Variants in SP1 observed in about 807,000 individuals in gnomAD.
SP1 encodes transcription factor Sp1.
In SP1, 6 loss-of-function variants were observed where a neutral mutation model predicts 66.3. That is an observed-to-expected ratio of 0.09 (90% CI 0.05 to 0.18). SP1 has a LOEUF of 0.18. SP1 is among the 10% of genes least tolerant of loss of function. The probability of loss-of-function intolerance (pLI) is 1.00; values close to 1 mark genes in which losing one functional copy is unlikely to be tolerated. For missense variants in SP1, 848 were observed against 964.5 expected, an observed-to-expected ratio of 0.88 and a Z score of 1.60; for synonymous variants, 417 against 360.8, an observed-to-expected ratio of 1.16 and a Z score of -1.77.
chr12:53,412,586 T>TA lies in SP1; in HGVS notation c.*1347dup, dbSNP rs1938916681. 6.6e-6 allele frequency: 1 copy of TA among 152,662 alleles called. No homozygotes were observed. Among genetic ancestry groups the TA allele is most frequent in the African/African-American group, 2.4e-5 (1 of 41,470 alleles). The allele number at this position is 152,662 out of a possible 1,614,324, so 9.5% of individuals were successfully genotyped here. On this transcript the variant is annotated 3_prime_UTR_variant, in exon 6 of 6. Transcript: ENST00000327443. ...GTGCTAGTGGCAAGACAGTGGTTCT[T>TA]ATGATGTTTTCCCTTAACTTTTCCT...
At chr12:53,403,470 A>C (rs1938657475) in intron 3 of SP1, among the ~76,000 whole-genome samples, 1 of 151,406 alleles carries the variant, frequency 6.6e-6, no homozygotes, top group African/African-American at 2.4e-5. Context: ...ACCCTGCTTC[A>C]TCCTCCCAGG....
In SP1 at chr12:53,396,624, T is replaced by C. The variant is rs549879375; in HGVS notation, c.1676-9961T>C. Among the ~76,000 whole-genome samples the C allele has an allele frequency of 1.2e-4, 19 of 152,292 alleles. 2 individuals carry two copies. In the South Asian group the frequency reaches 3.7e-3, roughly 30 times the overall value. On this transcript the variant is annotated intron_variant, in intron 3 of 5. Transcript: ENST00000327443. ...TAAGGTTGCTGCCTTCATAGTGTGC[T>C]TCTGTGCTCCGGTTGCTTTTATGCT...
chr12:53,387,848 T>C (rs887519079), intron 3 of SP1, among the ~76,000 whole-genome samples: 1 of 151,676 alleles, frequency 6.6e-6, no homozygotes, highest in Non-Finnish European at 1.5e-5. Context: ...TAGCTGGGCG[T>C]GGTGGTGGGT....
At chr12:53,381,580 T>A in intron 1 of SP1, 79 bp from the exon 2 acceptor site, 1 of 1,336,300 alleles carries the variant, frequency 7.5e-7, no homozygotes, top group Non-Finnish European at 1.0e-6. Context: ...TGCTATTTCA[T>A]CATAGCCTCC....
chr12:53,380,666 C>G (rs1274836200), intron 1 of SP1: 5 of 990,694 alleles, frequency 5.0e-6, no homozygotes, highest in Admixed American at 1.2e-4. Context: ...GGCCAACCGC[C>G]TGCCTGGTCC....
At chr12:53,399,425 G>A (rs35969688) in intron 3 of SP1, among the ~76,000 whole-genome samples, 27,289 of 149,364 alleles carry the variant, frequency 0.18, 2,559 homozygotes, top group Admixed American at 0.21. Flanking sequence ...GCTCCGCCTC[G>A]CGAGTTCACG....
chr12:53,406,395 T>C (rs1259015301), intron 3 of SP1, among the ~76,000 whole-genome samples, 190 bp from the exon 4 acceptor site: 2 of 152,116 alleles, frequency 1.3e-5, no homozygotes, highest in African/African-American at 4.8e-5. Flanking sequence ...ATGATGATTC[T>C]TGAGATTTCA....
intron 3 of SP1, among the ~76,000 whole-genome samples, chr12:53,406,065 C>CTTTTTTTTTTTTTTTTTT (rs1170832065): frequency 3.6e-5 from 3 of 82,414 alleles, no homozygotes; most frequent in African/African-American, 7.7e-5. Flanking sequence ...TATTTTCTTT[C>CTTTTTTTTTTTTTTTTTT]TTTTTTTTTT....
Position 53,383,113 on chromosome 12 carries a change from A to G in SP1, c.1166A>G (p.Glu389Gly), listed in dbSNP as rs370160300. The G allele has an allele frequency of 1.8e-4, 286 of 1,614,088 alleles. No individual in the cohort carries two copies. Among genetic ancestry groups the G allele is most frequent in the Non-Finnish European group, 2.3e-4 (276 of 1,180,060 alleles). The part of the protein sequence containing the change: ...SLQAGQQKEG[E>G]QNQQTQQQQI... ...CAAGCAGGCCAGCAAAAAGAAGGAG[A>G]GCAAAACCAGCAGACACAGCAGCAA... Residue 389 changes from glutamate (E) to glycine (G), a missense_variant, in exon 3 of 6, where the codon GAG (glutamate) becomes GGG (glycine). Around this residue, in one of 7 missense-constraint regions of SP1, gnomAD observed 606 missense variants for 589.9 expected, o/e 1.03. Coordinates refer to ENST00000327443, the MANE Select transcript of SP1 (RefSeq NM_138473.3).
At chr12:53,400,021 C>T (rs897359061) in intron 3 of SP1, among the ~76,000 whole-genome samples, 2 of 152,168 alleles carry the variant, frequency 1.3e-5, no homozygotes, top group East Asian at 3.9e-4. Flanking sequence ...CCTGGGCCTC[C>T]CAAAGTGCTT....
intron 4 of SP1, among the ~76,000 whole-genome samples, chr12:53,407,337 T>G (rs1938765560): frequency 6.6e-6 from 1 of 151,692 alleles, no homozygotes; most frequent in Admixed American, 6.6e-5. Flanking sequence ...AAAAATTTTT[T>G]TTTTTTCTGA....
chr12:53,408,338 G>A (rs1198955535), intron 4 of SP1, among the ~76,000 whole-genome samples: 1 of 150,638 alleles, frequency 6.6e-6, no homozygotes, highest in Non-Finnish European at 1.5e-5. Flanking sequence ...CCAGGTTCAA[G>A]CAATTCCTCT....
At chr12:53,386,396 G>C (rs971417089) in intron 3 of SP1, among the ~76,000 whole-genome samples, 1 of 151,970 alleles carries the variant, frequency 6.6e-6, no homozygotes, top group Non-Finnish European at 1.5e-5. Flanking sequence ...ATAATGTTCA[G>C]GGTCTTTCAT....
intron 3 of SP1, among the ~76,000 whole-genome samples, chr12:53,384,216 G>A (rs1938175938): frequency 3.3e-5 from 5 of 151,804 alleles, no homozygotes; most frequent in Admixed American, 6.6e-5. Flanking sequence ...TGATCCGCCC[G>A]CCTCGGCCTC....
intron 3 of SP1, among the ~76,000 whole-genome samples, chr12:53,398,634 G>T (rs1241157218): frequency 6.6e-6 from 1 of 152,080 alleles, no homozygotes; most frequent in African/African-American, 2.4e-5. Context: ...ATAAACATTT[G>T]GGTACAGAAT....
At chr12:53,399,516 A>C in intron 3 of SP1, among the ~76,000 whole-genome samples, 1 of 152,140 alleles carries the variant, frequency 6.6e-6, no homozygotes, top group Admixed American at 6.6e-5. Context: ...TATTTTTAGT[A>C]GAGACCGGGT....
At chr12:53,386,708 C>T (rs888570147) in intron 3 of SP1, among the ~76,000 whole-genome samples, 2 of 151,704 alleles carry the variant, frequency 1.3e-5, no homozygotes, top group African/African-American at 2.4e-5. Flanking sequence ...AGGCTGGTCT[C>T]GAACTCCTGA....
At position 53,380,407 on chromosome 12, in the gene SP1, G is replaced by T. The variant is rs1266049519; in HGVS notation, c.7+109G>T. The T allele has an allele frequency of 9.9e-6, 10 of 1,015,116 alleles. No homozygotes were observed. The Admixed American group carries it at 1.3e-4, about 13-fold the overall frequency. The allele number at this position is 1,015,116 out of a possible 1,614,324, so 62.9% of individuals were successfully genotyped here. A position where few individuals can be genotyped will look rare whatever the true frequency, so the allele number is the denominator to read the frequency against. On this transcript the variant is annotated intron_variant, in intron 1 of 5. Transcript: ENST00000327443. ...GAAGCGGGGGCGGGCGGGAGGCGGCGGCGGCGGCGGCCTAGGTCCCGCCCG... is the reference window on the plus strand; with the variant it reads ...GAAGCGGGGGCGGGCGGGAGGCGGCTGCGGCGGCGGCCTAGGTCCCGCCCG...
Position 53,382,097 on chromosome 12 carries a change from T to C in SP1, c.163-13T>C, listed in dbSNP as rs1938113879. The C allele has an allele frequency of 6.2e-7, 1 of 1,612,410 alleles. No homozygotes were observed. ...TGTCACTAACTCCTTTCCTCTCCCT[T>C]ATTTTCGGCCAGGAGTCCCAGCCAT... On this transcript the variant is annotated splice_polypyrimidine_tract_variant and intron_variant, in intron 2 of 5. Coordinates refer to ENST00000327443, the MANE Select transcript of SP1 (RefSeq NM_138473.3).
Sources: gnomAD v4.1 joint callset for allele counts (sites outside exome capture counted in the v4.1 genomes callset) on GRCh38, gnomAD v4.1.1 for gene constraint, gnomAD v4.1.1 regional missense constraint, MANE v1.5 for transcripts, NCBI Gene and HGNC (gene_info 2026-07-23, HGNC 2026-07-21) for gene names.